SEC11A: variants seen among roughly 807,000 people sequenced by gnomAD.
The protein encoded by SEC11A is signal peptidase complex catalytic subunit SEC11A.
A neutral mutation model predicts 25.6 loss-of-function variants in SEC11A; 14 were observed. The ratio of observed to expected loss-of-function variants is 0.55; its 90% CI spans 0.36 to 0.85. The LOEUF (loss-of-function observed/expected upper bound fraction) is 0.85, where lower values mean the gene tolerates loss of function less well. Among genes scored for constraint, SEC11A ranks in the 40% least tolerant of loss-of-function variants. SEC11A has a pLI of 0.01. For missense variants in SEC11A, 153 were observed against 222.9 expected (o/e 0.69, Z 2.00); for synonymous variants, 83 against 76.4 (o/e 1.09, Z -0.45).
At position 84,669,960 on chromosome 15, in the gene SEC11A, C is replaced by G. The variant is rs1237410117; in HGVS notation, c.*59G>C. On this transcript the variant is annotated 3_prime_UTR_variant, in exon 6 of 6. Coordinates refer to ENST00000268220, the MANE Select transcript of SEC11A (RefSeq NM_014300.4). Reference sequence around the variant, plus strand: ...TCCACCAATCACAGACCAGTATCTACTCCAAACATCCAGTAACGAAAACTA... The same window carrying G: ...TCCACCAATCACAGACCAGTATCTAGTCCAAACATCCAGTAACGAAAACTA... 2 of 1,611,432 alleles carry G rather than the reference C, an allele frequency of 1.2e-6. No individual in the cohort carries two copies. Among genetic ancestry groups the G allele is most frequent in the South Asian group, 2.2e-5 (2 of 90,164 alleles).
At chr15:84,680,873 A>G (rs375152203) in intron 3 of SEC11A, 41 bp from the exon 4 acceptor site, 44 of 1,551,742 alleles carry the variant, frequency 2.8e-5, no homozygotes, top group Non-Finnish European at 3.8e-5. Context: ...AAATACCTTC[A>G]TGGCATTTAA....
intron 4 of SEC11A, among the ~76,000 whole-genome samples, 181 bp downstream of exon 4, chr15:84,680,532 G>A (rs1217723232): frequency 1.1e-4 from 17 of 152,082 alleles, no homozygotes; most frequent in Admixed American, 1.1e-3. Context: ...CTCACCTTTG[G>A]AGTAGTATAC....
chr15:84,672,428 G>A (rs1424642286), intron 4 of SEC11A: 3 of 161,326 alleles, frequency 1.9e-5, no homozygotes, highest in Non-Finnish European at 4.1e-5. Flanking sequence ...CGCCACGCCT[G>A]ACTGGTTTTC....
chr15:84,707,715 T>G (rs1898138573), intron 1 of SEC11A, among the ~76,000 whole-genome samples: 1 of 152,198 alleles, frequency 6.6e-6, no homozygotes, highest in African/African-American at 2.4e-5. Flanking sequence ...TCATCTTTAC[T>G]GTTATAGGCT....
chr15:84,702,682 C>T (rs1321581657), intron 1 of SEC11A, among the ~76,000 whole-genome samples: 1 of 152,052 alleles, frequency 6.6e-6, no homozygotes, highest in Admixed American at 6.6e-5. Flanking sequence ...TTCCTTGATA[C>T]CAACTACCAA....
intron 1 of SEC11A, among the ~76,000 whole-genome samples, chr15:84,701,844 C>A (rs971899701): frequency 6.6e-6 from 1 of 151,812 alleles, no homozygotes; most frequent in Admixed American, 6.6e-5. Context: ...CCAAGGTGGG[C>A]GGATCACAGG....
At chr15:84,705,920 A>T (rs1048223879) in intron 1 of SEC11A, among the ~76,000 whole-genome samples, 2 of 150,988 alleles carry the variant, frequency 1.3e-5, no homozygotes. Flanking sequence ...TTATTTATTT[A>T]TTTATTTTGA....
intron 1 of SEC11A, among the ~76,000 whole-genome samples, chr15:84,701,735 GA>G (rs1003526039): frequency 2.8e-4 from 42 of 150,868 alleles, no homozygotes; most frequent in African/African-American, 1.0e-3. Flanking sequence ...GAAAATTGAA[GA>G]AAAAAAAAGC....
In SEC11A at chr15:84,673,262, G is replaced by C. The variant is rs186958787; in HGVS notation, c.432-2480C>G. The stretch of plus-strand genomic sequence containing the variant: ...CCCGGTCTGGGAGGAGTACCCAACA[G>C]CTCATTGAGAACGGGCCATGATGAC... On this transcript the variant is annotated intron_variant, in intron 4 of 5. Coordinates refer to ENST00000268220, the MANE Select transcript of SEC11A (RefSeq NM_014300.4). 127 of 212,216 alleles carry C rather than the reference G, an allele frequency of 6.0e-4. 2 individuals carry two copies. The East Asian group carries it at 0.018, about 30-fold the overall frequency. The allele number at this position is 212,216 out of a possible 1,614,324, so 13.1% of individuals were successfully genotyped here.
At chr15:84,714,686 C>A (rs1317073199) in intron 1 of SEC11A, 1 of 152,180 alleles carries the variant, frequency 6.6e-6, no homozygotes, top group African/African-American at 2.4e-5. Context: ...TTGCTTCTCA[C>A]AAAGTCTCAT....
At chr15:84,696,146 G>A (rs1897761917) in intron 1 of SEC11A, among the ~76,000 whole-genome samples, 1 of 152,146 alleles carries the variant, frequency 6.6e-6, no homozygotes, top group Admixed American at 6.6e-5. Flanking sequence ...TGGATAATCT[G>A]AAACCTACTT....
intron 3 of SEC11A, among the ~76,000 whole-genome samples, chr15:84,682,671 G>C (rs1026365014): frequency 6.6e-6 from 1 of 151,946 alleles, no homozygotes; most frequent in African/African-American, 2.4e-5. Flanking sequence ...GGCTGGTCTG[G>C]AACTCCTGAC....
In SEC11A at chr15:84,716,053, T is replaced by C; in HGVS notation, c.23A>G (p.Asp8Gly). The C allele has an allele frequency of 2.5e-6, 4 of 1,613,732 alleles. No individual in the cohort carries two copies. Among genetic ancestry groups the C allele is most frequent in the Non-Finnish European group, 3.4e-6 (4 of 1,179,814 alleles). ...CCGCTTGTTCATCCGCCGCACATCG[T>C]CCAAAAAGTCTAGAGACAGCATGGC... MLSLDFL[D>G]DVRRMNKRQL... Residue 8 changes from aspartate to glycine, a missense_variant, in exon 1 of 6, where the codon GAC becomes GGC. Physicochemically the swap from Asp to Gly is moderately conservative, Grantham distance 94. Coordinates refer to ENST00000268220, the MANE Select transcript of SEC11A (RefSeq NM_014300.4).
chr15:84,703,294 G>A (rs1293575873), intron 1 of SEC11A, among the ~76,000 whole-genome samples: 1 of 152,106 alleles, frequency 6.6e-6, no homozygotes, highest in East Asian at 1.9e-4. Flanking sequence ...AAAAAATAGG[G>A]CATGCACAGC....
At chr15:84,680,447 T>G (rs1351701596) in intron 4 of SEC11A, among the ~76,000 whole-genome samples, 1 of 152,226 alleles carries the variant, frequency 6.6e-6, no homozygotes, top group Non-Finnish European at 1.5e-5. Flanking sequence ...AGTGAACACA[T>G]TTTTTAAAAT....
chr15:84,687,913 G>T, intron 2 of SEC11A, 139 bp from the exon 3 acceptor site: 2 of 719,706 alleles, frequency 2.8e-6, no homozygotes, highest in Non-Finnish European at 4.3e-6. Context: ...ACAGAAATGT[G>T]TATTGTTCTC....
At chr15:84,694,959 G>A (rs1287076060) in intron 1 of SEC11A, among the ~76,000 whole-genome samples, 4 of 151,492 alleles carry the variant, frequency 2.6e-5, no homozygotes, top group African/African-American at 4.9e-5. Context: ...GCGCAGTGGC[G>A]TGTGCCTGTA....
Position 84,691,629 on chromosome 15 carries a change from G to A in SEC11A, c.67C>T (p.Leu23=), listed in dbSNP as rs767138297. The change falls in exon 2 of 6, where the codon CTA becomes TTA. Residue 23 remains leucine (L), a synonymous_variant. Coordinates refer to ENST00000268220, the MANE Select transcript of SEC11A (RefSeq NM_014300.4). ...MNKRQLYYQV[L]NFGMIVSSAL... ...GATGAGACAATCATTCCAAAATTTA[G>A]GACTTGATAATAGAGCTGCAAGAAC... 8 of 1,606,382 alleles carry A rather than the reference G, an allele frequency of 5.0e-6. No individual in the cohort carries two copies. The African/African-American group carries it at 1.1e-4, about 22-fold the overall frequency.
chr15:84,680,519 TTCC>T (rs1487466350), intron 4 of SEC11A, among the ~76,000 whole-genome samples, 191 bp downstream of exon 4: 1 of 152,152 alleles, frequency 6.6e-6, no homozygotes, highest in Non-Finnish European at 1.5e-5. Flanking sequence ...CCCCACCCAG[TTCC>T]TCACCTTTGG....
Sources: allele counts gnomAD v4.1 joint callset (sites outside exome capture counted in the v4.1 genomes callset), GRCh38; gene constraint gnomAD v4.1.1; transcripts MANE v1.5; gene names NCBI Gene and HGNC (gene_info 2026-07-23, HGNC 2026-07-21).